Variants in KIF13A observed in about 807,000 individuals in gnomAD.
The protein encoded by KIF13A is kinesin family member 13A.
A neutral mutation model predicts 212.2 loss-of-function variants in KIF13A; 79 were observed. The ratio of observed to expected loss-of-function variants is 0.37; its 90% CI spans 0.31 to 0.45. KIF13A has a LOEUF of 0.45. KIF13A is among the 20% of genes least tolerant of loss of function. The probability of loss-of-function intolerance (pLI) is 1.00; values close to 1 mark genes in which losing one functional copy is unlikely to be tolerated. For missense variants in KIF13A, 1,901 were observed against 2,209.0 expected (o/e 0.86, Z 2.79); for synonymous variants, 789 against 808.6 (o/e 0.98, Z 0.41).
rs961716148 is a variant in KIF13A, at chr6:17,915,543, C to T, written c.147-17363G>A. 3.5e-4 allele frequency among the ~76,000 whole-genome samples: 54 copies of T among 152,178 alleles called. No homozygotes were observed. Among genetic ancestry groups the T allele is most frequent in the African/African-American group, 1.2e-3 (48 of 41,438 alleles). On this transcript the variant is annotated intron_variant, in intron 2 of 38. Transcript: ENST00000259711. This position sits in a 1 kb window ranked among gnomAD's most constrained non-coding sequence, Gnocchi z 4.4. Reference sequence around the variant, plus strand: ...GCTTGCAGTTTGACAGCGTGCAGGACCTGCCACCTTGAGGACTCTGGGAGC... The same window carrying T: ...GCTTGCAGTTTGACAGCGTGCAGGATCTGCCACCTTGAGGACTCTGGGAGC...
intron 3 of KIF13A, among the ~76,000 whole-genome samples, chr6:17,880,384 T>C (rs1279447402): frequency 2.0e-5 from 3 of 152,090 alleles, no homozygotes; most frequent in Non-Finnish European, 2.9e-5. Context: ...CCCAGCACTT[T>C]GGGAGGCCAA....
chr6:17,781,088 C>T, intron 30 of KIF13A, 89 bp downstream of exon 30: 1 of 1,539,378 alleles, frequency 6.5e-7, no homozygotes, highest in African/African-American at 1.4e-5. Flanking sequence ...TCTTTTTCCC[C>T]AAAGCAAACC....
chr6:17,821,552 G>GTGTGT (rs1554172080), intron 16 of KIF13A, among the ~76,000 whole-genome samples: 13 of 112,094 alleles, frequency 1.2e-4, no homozygotes, highest in African/African-American at 3.9e-4. Flanking sequence ...ATTGGGACAT[G>GTGTGT]GTGTGTGTGT....
At chr6:17,929,796 C>G (rs886362266) in intron 2 of KIF13A, among the ~76,000 whole-genome samples, 1 of 152,228 alleles carries the variant, frequency 6.6e-6, no homozygotes, top group African/African-American at 2.4e-5. Context: ...CCTGCCTCAG[C>G]CTCCCAAAGT....
intron 3 of KIF13A, among the ~76,000 whole-genome samples, chr6:17,889,792 C>T (rs560134545): frequency 7.9e-5 from 12 of 152,172 alleles, no homozygotes; most frequent in East Asian, 7.7e-4. Context: ...TCCCCCTGGA[C>T]GGTTTAGCCA....
chr6:17,772,195 A>AAAG lies in KIF13A; in HGVS notation c.4325-137_4325-136insCTT. 1.3e-6 allele frequency: 1 copy of AAAG among 794,716 alleles called. No homozygotes were observed. Among genetic ancestry groups the AAAG allele is most frequent in the Non-Finnish European group, 2.0e-6 (1 of 498,668 alleles). The allele number at this position is 794,716 out of a possible 1,614,324, so 49.2% of individuals were successfully genotyped here. A position where few individuals can be genotyped will look rare whatever the true frequency, so the allele number is the denominator to read the frequency against. On this transcript the variant is annotated intron_variant, in intron 36 of 38. Transcript: ENST00000259711. This position sits in a 1 kb window ranked among gnomAD's most constrained non-coding sequence, Gnocchi z 4.8. ...ATAGGCTAATATTTGGCTAAGCATT[A>AAAG]AAACAGATGTATGCCCACCCTGTGC...
At chr6:17,910,304 C>T (rs1416076544) in intron 2 of KIF13A, among the ~76,000 whole-genome samples, 2 of 152,160 alleles carry the variant, frequency 1.3e-5, no homozygotes, top group Non-Finnish European at 2.9e-5. Flanking sequence ...GATAGAGAAC[C>T]TAGAAGTACC....
intron 34 of KIF13A, among the ~76,000 whole-genome samples, chr6:17,775,645 C>A (rs1375513648): frequency 6.6e-6 from 1 of 152,046 alleles, no homozygotes; most frequent in Non-Finnish European, 1.5e-5. Flanking sequence ...TTGGTGATAG[C>A]TGTATTCAGG....
chr6:17,787,800 T>A lies in KIF13A; in HGVS notation c.3337A>T (p.Ile1113Leu), dbSNP rs1050210080. ...CCTGTTTTATTGCTGACTTTTTTTA[T>A]CTGTTCATCCAGGTATTCTCGTCGT... Reference protein sequence around the residue: ...IKRREYLDEQIKKVSNKTEKT... With the variant: ...IKRREYLDEQLKKVSNKTEKT... Residue 1113 changes from isoleucine (I) to leucine (L), a missense_variant, in exon 27 of 39, where the codon ATA becomes TTA. By Grantham distance (5) the Ile-to-Leu change is conservative (BLOSUM62 2). This residue lies in a region of KIF13A where 168 missense variants were observed against 250.9 expected (regional missense o/e 0.67). Coordinates refer to ENST00000259711, the MANE Select transcript of KIF13A (RefSeq NM_022113.6). The surrounding 1 kb of genome is among the most constrained non-coding windows in gnomAD (Gnocchi z 4.6). 1.9e-6 allele frequency: 3 copies of A among 1,611,988 alleles called. No individual in the cohort carries two copies. The highest frequency in any genetic ancestry group is 1.7e-6 in the Non-Finnish European group (2 of 1,178,034).
intron 16 of KIF13A, among the ~76,000 whole-genome samples, chr6:17,818,522 A>G (rs540317490): frequency 1.3e-5 from 2 of 152,356 alleles, no homozygotes; most frequent in Non-Finnish European, 2.9e-5. Context: ...TAAAATCACA[A>G]GAAAAGCTCA....
chr6:17,797,115 C>T (rs1180303371), intron 22 of KIF13A, among the ~76,000 whole-genome samples: 1 of 151,786 alleles, frequency 6.6e-6, no homozygotes, highest in Non-Finnish European at 1.5e-5. Flanking sequence ...CTACAAGCTC[C>T]ACCTCTCAGG....
intron 2 of KIF13A, among the ~76,000 whole-genome samples, chr6:17,974,679 T>G (rs1344168935): frequency 1.3e-5 from 2 of 152,026 alleles, no homozygotes; most frequent in East Asian, 1.9e-4. Flanking sequence ...AATCCTAGTG[T>G]CCAAGGTGCA....
intron 2 of KIF13A, among the ~76,000 whole-genome samples, chr6:17,962,097 C>T (rs187444149): frequency 7.9e-5 from 12 of 152,048 alleles, no homozygotes; most frequent in East Asian, 1.9e-4. Flanking sequence ...GAGGCCAAGG[C>T]GCGTGGATCA....
intron 2 of KIF13A, among the ~76,000 whole-genome samples, chr6:17,925,900 C>T (rs1320509109): frequency 2.6e-5 from 4 of 152,054 alleles, no homozygotes; most frequent in African/African-American, 9.7e-5. Flanking sequence ...AGGAGAGCAG[C>T]AAATCAGAAG....
rs1467756518 is a variant in KIF13A, at chr6:17,926,684, G to A, written c.147-28504C>T. ...GAAGGAGACTGAAATTTTCTTTGAC[G>A]TAAAAATTACTTATAATCTCAGAGT... On this transcript the variant is annotated intron_variant, in intron 2 of 38. Coordinates refer to ENST00000259711, the MANE Select transcript of KIF13A (RefSeq NM_022113.6). This position sits in a 1 kb window ranked among gnomAD's most constrained non-coding sequence, Gnocchi z 4.3. 1.3e-5 allele frequency among the ~76,000 whole-genome samples: 2 copies of A among 152,086 alleles called. No homozygotes were observed. Among genetic ancestry groups the A allele is most frequent in the Non-Finnish European group, 2.9e-5 (2 of 68,036 alleles).
rs1764024169 is a variant in KIF13A, at chr6:17,817,171, G to A, written c.1849C>T (p.Leu617=). 6.2e-7 allele frequency: 1 copy of A among 1,613,912 alleles called. No individual in the cohort carries two copies. The highest frequency in any genetic ancestry group is 1.7e-5 in the Admixed American group (1 of 60,006). The change falls in exon 17 of 39, where the codon CTA becomes TTA. Residue 617 remains leucine (L), a synonymous_variant. Coordinates refer to ENST00000259711, the MANE Select transcript of KIF13A (RefSeq NM_022113.6). The part of the protein sequence containing the change: ...KQYLEEKRSA[L]EEQRLMYERE... ...TCATACATGAGCCGCTGCTCCTCTA[G>A]GGCACTTCTCTTTTCTTCTAGGTAT... is the stretch of plus-strand genomic sequence containing the variant.
intron 2 of KIF13A, among the ~76,000 whole-genome samples, chr6:17,911,026 G>A (rs1326677759): frequency 6.6e-6 from 1 of 152,176 alleles, no homozygotes; most frequent in Non-Finnish European, 1.5e-5. Flanking sequence ...GCCTCCCAAA[G>A]TGCTGGGATT....
chr6:17,802,973 A>C (rs1271936506), intron 20 of KIF13A, among the ~76,000 whole-genome samples: 1 of 142,746 alleles, frequency 7.0e-6, no homozygotes, highest in Non-Finnish European at 1.5e-5. Context: ...TTGCTCTGTC[A>C]CCCAGGTTGG....
At chr6:17,862,021 TTTTAG>T (rs1398423516) in intron 4 of KIF13A, among the ~76,000 whole-genome samples, 4 of 152,208 alleles carry the variant, frequency 2.6e-5, no homozygotes, top group Non-Finnish European at 5.9e-5. Context: ...TTATTATTTA[TTTTAG>T]TTATTTTGGA....
Sources: gnomAD v4.1 joint callset for allele counts (sites outside exome capture counted in the v4.1 genomes callset) on GRCh38, gnomAD v4.1.1 for gene constraint, gnomAD v4.1.1 regional missense constraint, Gnocchi (gnomAD v3.1) non-coding constraint, MANE v1.5 for transcripts, NCBI Gene and HGNC (gene_info 2026-07-23, HGNC 2026-07-21) for gene names.